The following SLC25A19 variants were observed in gnomAD, a reference collection of about 807,000 sequenced individuals.
The protein encoded by SLC25A19 is solute carrier family 25 member 19, also known as mitochondrial thiamine pyrophosphate carrier.
A neutral mutation model predicts 27.9 loss-of-function variants in SLC25A19; 18 were observed. That is an observed-to-expected ratio of 0.64 (90% CI 0.45 to 0.96). SLC25A19 has a LOEUF of 0.96. Ranked by LOEUF, SLC25A19 falls within the 40% of genes least tolerant of loss-of-function variation. SLC25A19 has a pLI of 0.00. For missense variants in SLC25A19, 371 were observed against 418.3 expected (o/e 0.89, Z 0.99); for synonymous variants, 169 against 167.1 (o/e 1.01, Z -0.09).
Position 75,273,644 on chromosome 17 carries a change from G to A in SLC25A19, c.775-5C>T. On this transcript the variant is annotated splice_region_variant and splice_polypyrimidine_tract_variant and intron_variant, in intron 7 of 7. Coordinates refer to ENST00000416858, the MANE Select transcript of SLC25A19 (RefSeq NM_001126121.2). ...GAGGCCCTTGTATCTCCGTACCTGG[G>A]GAGAGGAAAGGGATGAAAATATGGA... The A allele has an allele frequency of 6.2e-7, 1 of 1,612,228 alleles. No homozygotes were observed. The highest frequency in any genetic ancestry group is 1.7e-5 in the Admixed American group (1 of 60,016).
At position 75,286,665 on chromosome 17, in the gene SLC25A19, T is replaced by G; in HGVS notation, c.100A>C (p.Ser34Arg). ...VSGLVTRALI[S>R]PFDVIKIRFQ... ...CGGATCTTGATGACGTCGAAGGGACTGATCAGCGCCCGAGTAACAAGTCCA... is the reference window on the plus strand; with the variant it reads ...CGGATCTTGATGACGTCGAAGGGACGGATCAGCGCCCGAGTAACAAGTCCA... The change falls in exon 3 of 8, where the codon AGT becomes CGT. Residue 34 changes from serine to arginine, a missense_variant. By Grantham distance (110) the Ser-to-Arg change is moderately radical (BLOSUM62 -1). Transcript: ENST00000416858. 6.2e-7 allele frequency: 1 copy of G among 1,614,210 alleles called. No individual in the cohort carries two copies. The highest frequency in any genetic ancestry group is 8.5e-7 in the Non-Finnish European group (1 of 1,180,048).
chr17:75,279,393 T>C (rs1461636147), intron 5 of SLC25A19, among the ~76,000 whole-genome samples: 2 of 152,188 alleles, frequency 1.3e-5, no homozygotes, highest in African/African-American at 4.8e-5. Flanking sequence ...GAGAGTCTTG[T>C]AGGTTTTAAC....
chr17:75,279,945 C>T (rs1474472605), intron 5 of SLC25A19, among the ~76,000 whole-genome samples: 1 of 152,188 alleles, frequency 6.6e-6, no homozygotes, highest in Admixed American at 6.5e-5. Context: ...TACAGGTGCA[C>T]ACCACCATGC....
chr17:75,283,476 C>T lies in SLC25A19; in HGVS notation c.406G>A (p.Val136Met), dbSNP rs1261641716. The change falls in exon 5 of 8, where the codon GTG becomes ATG. Residue 136 changes from valine (V) to methionine (M), a missense_variant. Physicochemically the swap from Val to Met is conservative, Grantham distance 21. Coordinates refer to ENST00000416858, the MANE Select transcript of SLC25A19 (RefSeq NM_001126121.2). ...GTGCGCAGAACATCCACGGGGTGCA[C>T]AGTGAGGGTGGCCATACAGGCAGCC... Reference protein sequence around the residue: ...GLAACMATLTVHPVDVLRTRF... With the variant: ...GLAACMATLTMHPVDVLRTRF... 5.0e-6 allele frequency: 8 copies of T among 1,613,016 alleles called. No individual in the cohort carries two copies. In the Middle Eastern group the frequency reaches 1.0e-3, roughly 211 times the overall value.
intron 5 of SLC25A19, among the ~76,000 whole-genome samples, chr17:75,279,602 A>G (rs1464031170): frequency 7.0e-6 from 1 of 143,220 alleles, no homozygotes; most frequent in South Asian, 2.2e-4. Context: ...CCCACCTCCC[A>G]GGTTCAAGCG....
At chr17:75,277,240 G>A in intron 7 of SLC25A19, 113 bp downstream of exon 7, 5 of 1,389,158 alleles carry the variant, frequency 3.6e-6, no homozygotes, top group South Asian at 2.6e-5. Context: ...CGCAGGTGAA[G>A]GGGCCATGGC....
At chr17:75,286,935 T>C in intron 2 of SLC25A19, 133 bp from the exon 3 acceptor site, 1 of 864,936 alleles carries the variant, frequency 1.2e-6, no homozygotes, top group Non-Finnish European at 1.8e-6. Flanking sequence ...GGCGCAGCGG[T>C]TCATGCCTGT....
rs574512861 is a variant in SLC25A19, at chr17:75,273,113, G to A, written c.*338C>T. On this transcript the variant is annotated 3_prime_UTR_variant, in exon 8 of 8. Transcript: ENST00000416858. ...TCAAGCAGCAGCCCCATCCAGACCAGGAGTGTGTTCTGTTCTCCTGGCAGG... is the reference window on the plus strand; with the variant it reads ...TCAAGCAGCAGCCCCATCCAGACCAAGAGTGTGTTCTGTTCTCCTGGCAGG... 1 of 384,326 alleles carries A rather than the reference G, an allele frequency of 2.6e-6. No homozygotes were observed. The highest frequency in any genetic ancestry group is 2.3e-5 in the South Asian group (1 of 43,244). The allele number at this position is 384,326 out of a possible 1,614,324, so 23.8% of individuals were successfully genotyped here.
Position 75,274,813 on chromosome 17 carries a change from C to T in SLC25A19, c.775-1174G>A, listed in dbSNP as rs79003065. On this transcript the variant is annotated intron_variant, in intron 7 of 7. Transcript: ENST00000416858. ...AAGAAAAGAAAACAAACTCTCCCTT[C>T]AGGACAAGTTGGTAAGTGGAAAAGG... Among the ~76,000 whole-genome samples the T allele has an allele frequency of 6.5e-4, 99 of 152,088 alleles. 1 individual carries two copies. In the East Asian group the frequency reaches 0.018, roughly 28 times the overall value.
intron 2 of SLC25A19, chr17:75,287,092 T>C (rs1429284023): frequency 8.8e-6 from 3 of 339,996 alleles, no homozygotes; most frequent in South Asian, 7.4e-5. Flanking sequence ...TATTCCTCTT[T>C]ACAGTACTTA....
Position 75,273,269 on chromosome 17 carries a change from A to C in SLC25A19, c.*182T>G, listed in dbSNP as rs375203238. 1.6e-6 allele frequency: 1 copy of C among 629,064 alleles called. No homozygotes were observed. The allele number at this position is 629,064 out of a possible 1,614,324, so 39.0% of individuals were successfully genotyped here. A position where few individuals can be genotyped will look rare whatever the true frequency, so the allele number is the denominator to read the frequency against. On this transcript the variant is annotated 3_prime_UTR_variant, in exon 8 of 8. Transcript: ENST00000416858. Reference sequence around the variant, plus strand: ...TAGACCACGTCCTGCATTCCCTCTGATTCTCTCATGGGGAGAGCCCTGGAC... The same window carrying C: ...TAGACCACGTCCTGCATTCCCTCTGCTTCTCTCATGGGGAGAGCCCTGGAC...
Position 75,273,531 on chromosome 17 carries a change from A to G in SLC25A19, c.883T>C (p.Ser295Pro). 1 of 1,614,214 alleles carries G rather than the reference A, an allele frequency of 6.2e-7. No individual in the cohort carries two copies. Among genetic ancestry groups the G allele is most frequent in the South Asian group, 1.1e-5 (1 of 91,088 alleles). ...LSPSLLKAALSTGFMFFSYEF... is the reference protein window; with the variant it reads ...LSPSLLKAALPTGFMFFSYEF... ...TACGAGAAGAACATGAAGCCTGTGGAGAGGGCAGCCTTCAGCAAGCTGGGG... is the reference window on the plus strand; with the variant it reads ...TACGAGAAGAACATGAAGCCTGTGGGGAGGGCAGCCTTCAGCAAGCTGGGG... Residue 295 changes from serine (S) to proline (P), a missense_variant, in exon 8 of 8, where the codon TCC (serine) becomes CCC (proline). Coordinates refer to ENST00000416858, the MANE Select transcript of SLC25A19 (RefSeq NM_001126121.2).
intron 5 of SLC25A19, among the ~76,000 whole-genome samples, chr17:75,279,843 T>A (rs2145753504): frequency 6.6e-6 from 1 of 152,206 alleles, no homozygotes; most frequent in East Asian, 1.9e-4. Context: ...ATATCTCACT[T>A]TGTTGTTTGG....
chr17:75,277,540 A>G, intron 6 of SLC25A19, 57 bp from the exon 7 acceptor site: 1 of 1,606,994 alleles, frequency 6.2e-7, no homozygotes, highest in South Asian at 1.1e-5. Context: ...TCTATGGGTG[A>G]CAACTTAAAA....
chr17:75,275,059 G>A (rs1290565074), intron 7 of SLC25A19, among the ~76,000 whole-genome samples: 2 of 124,052 alleles, frequency 1.6e-5, no homozygotes, highest in African/African-American at 6.3e-5. Context: ...TGTGATCATA[G>A]CTCACTGCAG....
Position 75,285,732 on chromosome 17 carries a change from G to A in SLC25A19, c.288+572C>T, listed in dbSNP as rs570704792. Among the ~76,000 whole-genome samples, 167 of 152,380 alleles carry A rather than the reference G, an allele frequency of 1.1e-3. 2 individuals are homozygous for A. The highest frequency in any genetic ancestry group is 4.0e-3 in the African/African-American group (165 of 41,600). On this transcript the variant is annotated intron_variant, in intron 4 of 7. Transcript: ENST00000416858. ...ACCTTAAGGACTGCTGTGACAGAGT[G>A]TATGTGAAGTGCTTCCAACAGGGGC...
rs762730326 is a variant in SLC25A19, at chr17:75,278,222, C to T, written c.573G>A (p.Leu191=). Residue 191 remains leucine (L), a synonymous_variant, in exon 6 of 8, where the codon CTG becomes CTA. Transcript: ENST00000416858. ...TCAAGGAGCTGTAGCAAGAGAACTG[C>T]AGCCCGGCGTAGGGGAAGATGGCGA... is the stretch of plus-strand genomic sequence containing the variant. ...TLIAIFPYAG[L]QFSCYSSLKH... 6.2e-7 allele frequency: 1 copy of T among 1,614,032 alleles called. No homozygotes were observed. Among genetic ancestry groups the T allele is most frequent in the Admixed American group, 1.7e-5 (1 of 60,008 alleles).
At chr17:75,279,180 G>A (rs1002023755) in intron 5 of SLC25A19, among the ~76,000 whole-genome samples, 2 of 151,784 alleles carry the variant, frequency 1.3e-5, no homozygotes, top group South Asian at 2.1e-4. Flanking sequence ...TAGAATTATG[G>A]AAGGAAATAA....
intron 6 of SLC25A19, 132 bp downstream of exon 6, chr17:75,278,020 C>T (rs904934311): frequency 2.2e-5 from 20 of 926,590 alleles, no homozygotes; most frequent in Admixed American, 8.1e-5. Flanking sequence ...TTGTTTGCCA[C>T]ATTACAGAGC....
Sources: gnomAD v4.1 joint callset for allele counts (sites outside exome capture counted in the v4.1 genomes callset) on GRCh38, gnomAD v4.1.1 for gene constraint, MANE v1.5 for transcripts, NCBI Gene and HGNC (gene_info 2026-07-23, HGNC 2026-07-21) for gene names.